The following LRP2 variants were observed in gnomAD, a reference collection of about 807,000 sequenced individuals.
The protein encoded by LRP2 is low-density lipoprotein receptor-related protein 2.
A neutral mutation model predicts 531.0 loss-of-function variants in LRP2; 172 were observed. The ratio of observed to expected loss-of-function variants is 0.32; its 90% CI spans 0.29 to 0.37. LRP2 has a LOEUF of 0.37. LRP2 is among the 10% of genes least tolerant of loss of function. LRP2 has a pLI of 1.00. For missense variants in LRP2, 5,167 were observed against 5,868.3 expected (o/e 0.88, Z 3.90); for synonymous variants, 1,992 against 2,027.6 (o/e 0.98, Z 0.47).
chr2:169,304,026 C>T (rs1305738694), intron 4 of LRP2, among the ~76,000 whole-genome samples: 2 of 152,164 alleles, frequency 1.3e-5, no homozygotes. Context: ...TCGTATCCTG[C>T]CAGGTTTTTG....
chr2:169,345,282 A>G (rs1685667151), intron 1 of LRP2, among the ~76,000 whole-genome samples: 1 of 152,178 alleles, frequency 6.6e-6, no homozygotes, highest in Non-Finnish European at 1.5e-5. Context: ...TTGTTCTTAT[A>G]TGACTATACT....
intron 31 of LRP2, among the ~76,000 whole-genome samples, chr2:169,229,828 C>A (rs547309833): frequency 2.6e-5 from 4 of 152,246 alleles, no homozygotes; most frequent in African/African-American, 9.6e-5. Flanking sequence ...ATCACAGAAG[C>A]ACTTCTACAT....
chr2:169,279,454 T>G lies in LRP2; in HGVS notation c.1483A>C (p.Asn495His). ...ETKVNRIDMV[N>H]LDGSYRVTLI... ...GTAACCCGATAGCTTCCATCCAAATTTACCATATCTATGCGGTTGACCTTG... is the reference window on the plus strand; with the variant it reads ...GTAACCCGATAGCTTCCATCCAAATGTACCATATCTATGCGGTTGACCTTG... Residue 495 changes from asparagine (N) to histidine (H), a missense_variant, in exon 12 of 79, where the codon AAT becomes CAT. Asn to His is a moderately conservative substitution (Grantham distance 68, BLOSUM62 1). Coordinates refer to ENST00000649046, the MANE Select transcript of LRP2 (RefSeq NM_004525.3). The G allele has an allele frequency of 6.2e-7, 1 of 1,614,058 alleles. No individual in the cohort carries two copies. Among genetic ancestry groups the G allele is most frequent in the Non-Finnish European group, 8.5e-7 (1 of 1,179,988 alleles).
Position 169,206,052 on chromosome 2 carries a change from T to C in LRP2, c.7527A>G (p.Pro2509=), listed in dbSNP as rs1574131835. The change falls in exon 40 of 79, where the codon CCA becomes CCG. Residue 2509 remains proline, a synonymous_variant. Transcript: ENST00000649046. ...NRTVIARVPK[P]RAIVLDPCQG... ...GGCAGGGATCTAACACAATTGCTCT[T>C]GGTTTTGGAACGCGGGCTATCACAG... The C allele has an allele frequency of 4.3e-6, 7 of 1,614,236 alleles. No homozygotes were observed. In the South Asian group the frequency reaches 5.5e-5, roughly 13 times the overall value.
At chr2:169,162,807 A>C (rs1197185533) in intron 62 of LRP2, among the ~76,000 whole-genome samples, 1 of 152,224 alleles carries the variant, frequency 6.6e-6, no homozygotes, top group Non-Finnish European at 1.5e-5. Context: ...ACTGGGCTGA[A>C]GCAATGAAAA....
At chr2:169,279,175 G>A (rs1441283329) in intron 12 of LRP2, among the ~76,000 whole-genome samples, 197 bp downstream of exon 12, 4 of 152,120 alleles carry the variant, frequency 2.6e-5, no homozygotes, top group Non-Finnish European at 5.9e-5. Context: ...TGGGTAACAT[G>A]TCCTCAAATA....
intron 52 of LRP2, 126 bp downstream of exon 52, chr2:169,181,322 T>A (rs1403746601): frequency 2.3e-6 from 2 of 874,314 alleles, no homozygotes; most frequent in African/African-American, 3.3e-5. Flanking sequence ...AAGTGTGACT[T>A]CCCCCGAATG....
At chr2:169,148,840 C>T in intron 68 of LRP2, among the ~76,000 whole-genome samples, 1 of 149,730 alleles carries the variant, frequency 6.7e-6, no homozygotes, top group Middle Eastern at 3.4e-3. Flanking sequence ...AGACATCCAT[C>T]TAGGTTCTAT....
chr2:169,201,830 A>G lies in LRP2; in HGVS notation c.8250T>C (p.Asn2750=). 10 of 1,614,214 alleles carry G rather than the reference A, an allele frequency of 6.2e-6. No homozygotes were observed. Among genetic ancestry groups the G allele is most frequent in the East Asian group, 2.2e-5 (1 of 44,874 alleles). Residue 2750 remains asparagine, a synonymous_variant, in exon 44 of 79, where the codon AAT becomes AAC. Transcript: ENST00000649046. ...GGTAAGAGTATTGGACACATCGCCC[A>G]TTGGCACAGGTGAAGGCTGTCGGTG... The part of the protein sequence containing the change: ...TCSPTAFTCA[N]GRCVQYSYRC...
chr2:169,240,613 C>T (rs1689768432), intron 25 of LRP2: 1 of 408,172 alleles, frequency 2.4e-6, no homozygotes, highest in Admixed American at 3.9e-5. Context: ...CAACACAAAT[C>T]CCTGGACTTC....
intron 56 of LRP2, 89 bp downstream of exon 56, chr2:169,173,830 G>GA (rs1687087033): frequency 1.3e-6 from 2 of 1,578,800 alleles, no homozygotes; most frequent in Non-Finnish European, 1.7e-6. Flanking sequence ...AGCTGAAAAA[G>GA]AAAGCTCCAT....
intron 1 of LRP2, among the ~76,000 whole-genome samples, chr2:169,324,189 A>G (rs535906484): frequency 3.3e-5 from 5 of 152,226 alleles, no homozygotes; most frequent in Non-Finnish European, 7.3e-5. Context: ...TGAAGCACAG[A>G]GCAATTCGGT....
At chr2:169,179,310 A>C (rs991613661) in intron 52 of LRP2, among the ~76,000 whole-genome samples, 3 of 152,116 alleles carry the variant, frequency 2.0e-5, no homozygotes. Context: ...CCTAGCCACC[A>C]TCTGTTTTTC....
intron 47 of LRP2, among the ~76,000 whole-genome samples, chr2:169,192,874 C>A (rs1362987886): frequency 6.6e-5 from 10 of 152,090 alleles, no homozygotes; most frequent in African/African-American, 2.4e-4. Flanking sequence ...TGACCCACCA[C>A]CAAAGTCACA....
rs567337311 is a variant in LRP2 at position 169,169,086 on chromosome 2, T to C, written c.11498-410A>G. 2.0e-5 allele frequency among the ~76,000 whole-genome samples: 3 copies of C among 152,364 alleles called. No individual in the cohort carries two copies. In the South Asian group the frequency reaches 6.2e-4, roughly 32 times the overall value. ...AGTTTGCATTGATTCAAGTGATCCA[T>C]AAAGACTCAAATCTGAGTAATCATG... is the stretch of plus-strand genomic sequence containing the variant. On this transcript the variant is annotated intron_variant, in intron 60 of 78. Transcript: ENST00000649046.
At chr2:169,362,197 C>A in intron 1 of LRP2, 124 bp downstream of exon 1, 1 of 787,844 alleles carries the variant, frequency 1.3e-6, no homozygotes, top group South Asian at 2.0e-5. Context: ...CCGGGAGCAG[C>A]TCCCGCGCCG....
chr2:169,199,220 A>G (rs1371105959), intron 44 of LRP2, among the ~76,000 whole-genome samples: 1 of 152,250 alleles, frequency 6.6e-6, no homozygotes, highest in Non-Finnish European at 1.5e-5. Flanking sequence ...TGGCATTTCC[A>G]CACAATGGAG....
chr2:169,152,378 C>G (rs1686175068), intron 67 of LRP2, among the ~76,000 whole-genome samples: 1 of 152,194 alleles, frequency 6.6e-6, no homozygotes, highest in African/African-American at 2.4e-5. Context: ...TTCATCTCAA[C>G]TGCTTTGCTG....
intron 1 of LRP2, among the ~76,000 whole-genome samples, chr2:169,358,726 C>T (rs964028822): frequency 6.6e-6 from 1 of 152,120 alleles, no homozygotes; most frequent in African/African-American, 2.4e-5. Flanking sequence ...GGTAAGGTGG[C>T]TCCTGCCTAT....
Sources: gnomAD v4.1 joint callset for allele counts (sites outside exome capture counted in the v4.1 genomes callset) on GRCh38, gnomAD v4.1.1 for gene constraint, MANE v1.5 for transcripts, NCBI Gene and HGNC (gene_info 2026-07-23, HGNC 2026-07-21) for gene names.